The following IRAG2 variants were observed in gnomAD, a reference collection of about 807,000 sequenced individuals.
IRAG2 encodes the protein lymphoid restricted membrane protein.
In IRAG2, 45 loss-of-function variants were observed where a neutral mutation model predicts 69.9. That is an observed-to-expected ratio of 0.64 (90% CI 0.51 to 0.83). The LOEUF (loss-of-function observed/expected upper bound fraction) is 0.83, where lower values mean the gene tolerates loss of function less well. Ranked by LOEUF, IRAG2 falls within the 40% of genes least tolerant of loss-of-function variation. The pLI, the probability that IRAG2 is intolerant of heterozygous loss-of-function variation, is 0.00. For synonymous variants in IRAG2, 193 were observed against 202.4 expected (o/e 0.95, Z 0.40); for missense variants, 520 against 587.0 (o/e 0.89, Z 1.18).
At chr12:25,072,656 G>A (rs1375117030) in intron 6 of IRAG2, among the ~76,000 whole-genome samples, 3 of 152,174 alleles carry the variant, frequency 2.0e-5, no homozygotes, top group Admixed American at 2.0e-4. Flanking sequence ...CACCCCAGAC[G>A]ATGGGTGTTT....
chr12:24,999,445 T>C (rs1212245640), upstream of IRAG2, among the ~76,000 whole-genome samples: 2 of 152,162 alleles, frequency 1.3e-5, no homozygotes. Context: ...GCAATAATAA[T>C]AATGGGACTC....
chr12:25,108,104 G>A lies in IRAG2; in HGVS notation c.*44G>A. 6.3e-7 allele frequency: 1 copy of A among 1,589,546 alleles called. No homozygotes were observed. The highest frequency in any genetic ancestry group is 8.6e-7 in the Non-Finnish European group (1 of 1,166,122). On this transcript the variant is annotated 3_prime_UTR_variant, in exon 22 of 22. Coordinates refer to ENST00000556887, the MANE Select transcript of IRAG2 (RefSeq NM_001366544.2). ...TATGGATCTTGATTTTTAAGTTTCA[G>A]TATCTGAACTTCGTAAATTAGTAAC...
chr12:25,036,516 G>A (rs1289220557), intron 14 of IRAG2: 1 of 397,596 alleles, frequency 2.5e-6, no homozygotes, highest in Non-Finnish European at 4.4e-6. Context: ...TAGAATTTTG[G>A]TCTCAATGGA....
chr12:25,104,266 A>G, intron 19 of IRAG2, 95 bp from the exon 20 acceptor site: 1 of 941,366 alleles, frequency 1.1e-6, no homozygotes, highest in East Asian at 2.5e-5. Context: ...TAATTAGGAC[A>G]TATAATTTTG....
chr12:25,104,875 A>G (rs1447838076), intron 20 of IRAG2, among the ~76,000 whole-genome samples: 1 of 101,922 alleles, frequency 9.8e-6, no homozygotes, highest in African/African-American at 3.2e-5. Context: ...ATGTATGTAC[A>G]TCTATCTATC....
intron 6 of IRAG2, among the ~76,000 whole-genome samples, chr12:25,073,667 C>T (rs997585848): frequency 2.0e-5 from 3 of 152,158 alleles, no homozygotes; most frequent in Admixed American, 1.3e-4. Context: ...ATTTGGAGCC[C>T]TGTTTGGGAC....
intron 10 of IRAG2, among the ~76,000 whole-genome samples, chr12:25,084,223 A>T (rs1029823964): frequency 2.0e-5 from 3 of 152,158 alleles, no homozygotes; most frequent in African/African-American, 7.2e-5. Context: ...CCCTGTTTCT[A>T]CAAAATATAA....
chr12:25,013,866 C>CTTTTTT (rs71063386), intron 3 of IRAG2, among the ~76,000 whole-genome samples: 248 of 79,544 alleles, frequency 3.1e-3, no homozygotes, highest in African/African-American at 8.1e-3. Flanking sequence ...TTTTCTTTTT[C>CTTTTTT]TTTTTTTTTT....
intron 15 of IRAG2, among the ~76,000 whole-genome samples, chr12:25,037,683 G>A (rs1057395088): frequency 1.2e-4 from 18 of 152,180 alleles, no homozygotes; most frequent in African/African-American, 3.6e-4. Flanking sequence ...GATGACTACT[G>A]AAGTTGTCAG....
upstream of IRAG2, among the ~76,000 whole-genome samples, chr12:25,047,441 GT>G (rs1193271286): frequency 2.0e-5 from 1 of 49,340 alleles, no homozygotes; most frequent in African/African-American, 4.0e-5. Context: ...ATTTTTTGTT[GT>G]TTTTTTGTTT....
chr12:25,059,785 C>CA (rs767186247), intron 1 of IRAG2, among the ~76,000 whole-genome samples: 4 of 150,940 alleles, frequency 2.7e-5, no homozygotes, highest in Admixed American at 2.6e-4. Flanking sequence ...TTATTTTTAC[C>CA]AAAAAAAAGT....
In IRAG2 at chr12:25,041,955, C is replaced by CTG. The variant is rs59225610; in HGVS notation, c.2144+3854_2144+3855dup. ...GTGCTGAATTGAATTTTTGTTTCAG[C>CTG]TGTGTGTGTGTGTGTGTGTGTGTGT... On this transcript the variant is annotated intron_variant, in intron 16 of 38. Coordinates refer to the IRAG2 transcript ENST00000636465. Among the ~76,000 whole-genome samples, 936 of 148,438 alleles carry CTG rather than the reference C, an allele frequency of 6.3e-3. 7 individuals carry two copies. Among genetic ancestry groups the CTG allele is most frequent in the African/African-American group, 0.021 (825 of 40,088 alleles).
upstream of IRAG2, among the ~76,000 whole-genome samples, chr12:25,002,648 T>C (rs1162595876): frequency 2.8e-5 from 4 of 144,392 alleles, no homozygotes; most frequent in Non-Finnish European, 4.5e-5. Flanking sequence ...CTTCTTCTTT[T>C]CTTTTTTTTT....
At chr12:25,000,132 C>T (rs532509495), upstream of IRAG2, among the ~76,000 whole-genome samples, 1 of 152,290 alleles carries the variant, frequency 6.6e-6, no homozygotes, top group East Asian at 1.9e-4. Context: ...GGTTGGCTGT[C>T]TAAAGGGATG....
At chr12:25,014,543 T>C (rs1421363992) in intron 3 of IRAG2, among the ~76,000 whole-genome samples, 1 of 152,168 alleles carries the variant, frequency 6.6e-6, no homozygotes, top group Non-Finnish European at 1.5e-5. Context: ...AATATAGGAC[T>C]CTGAAAGGAA....
chr12:25,023,468 A>G (rs960421861), intron 7 of IRAG2, among the ~76,000 whole-genome samples: 3 of 152,034 alleles, frequency 2.0e-5, no homozygotes, highest in Non-Finnish European at 4.4e-5. Flanking sequence ...TGATGCTCAT[A>G]TGTTGTGATG....
intron 4 of IRAG2, among the ~76,000 whole-genome samples, chr12:25,064,180 C>T (rs1248553240): frequency 1.3e-5 from 2 of 152,078 alleles, no homozygotes; most frequent in Non-Finnish European, 2.9e-5. Flanking sequence ...AGCAAGGAGA[C>T]AAGACCTGGA....
At chr12:25,041,371 C>T (rs7295158) in intron 16 of IRAG2, among the ~76,000 whole-genome samples, 116,987 of 152,170 alleles carry the variant, frequency 0.77, 47,374 homozygotes, top group South Asian at 0.89. Flanking sequence ...TTGTTTTTAT[C>T]TTTTTCTTCT....
chr12:25,100,445 C>A (rs890616748), intron 15 of IRAG2, among the ~76,000 whole-genome samples: 1 of 152,138 alleles, frequency 6.6e-6, no homozygotes, highest in African/African-American at 2.4e-5. Context: ...CACAAATATT[C>A]ATAGGACTAT....
Sources: gnomAD v4.1 joint callset for allele counts (sites outside exome capture counted in the v4.1 genomes callset) on GRCh38, gnomAD v4.1.1 for gene constraint, MANE v1.5 for transcripts, NCBI Gene and HGNC (gene_info 2026-07-23, HGNC 2026-07-21) for gene names.